Variants in PKHD1 observed in about 807,000 individuals in gnomAD.
PKHD1 encodes the protein PKHD1 ciliary IPT domain containing fibrocystin/polyductin.
A neutral mutation model predicts 412.0 loss-of-function variants in PKHD1; 291 were observed. The observed-to-expected ratio is 0.71, with a 90% confidence interval of 0.64 to 0.78. The LOEUF (loss-of-function observed/expected upper bound fraction) is 0.78, where lower values mean the gene tolerates loss of function less well. Among genes scored for constraint, PKHD1 ranks in the 30% least tolerant of loss-of-function variants. PKHD1 has a pLI of 0.00. For synonymous variants in PKHD1, 1,777 were observed against 1,821.5 expected, an observed-to-expected ratio of 0.98 and a Z score of 0.62; for missense variants, 4,825 against 4,950.7, an observed-to-expected ratio of 0.97 and a Z score of 0.76.
chr6:52,025,228 C>T lies in PKHD1; in HGVS notation c.4582G>A (p.Val1528Ile), dbSNP rs1801965781. Residue 1528 changes from valine to isoleucine, a missense_variant, in exon 32 of 67, where the codon GTA (valine) becomes ATA (isoleucine). Transcript: ENST00000371117. Reference sequence around the variant, plus strand: ...ACGTGGCTTGCATTAAAAAAAGTTACATTGCAAGGAAGTTGATCATCCACA... The same window carrying T: ...ACGTGGCTTGCATTAAAAAAAGTTATATTGCAAGGAAGTTGATCATCCACA... ...VFVDDQLPCN[V>I]TFFNASHVVC... 1 of 1,614,090 alleles carries T rather than the reference C, an allele frequency of 6.2e-7. No homozygotes were observed. The highest frequency in any genetic ancestry group is 1.7e-5 in the Admixed American group (1 of 59,996).
intron 65 of PKHD1, among the ~76,000 whole-genome samples, chr6:51,627,459 T>C (rs889307942): frequency 6.6e-6 from 1 of 152,034 alleles, no homozygotes; most frequent in South Asian, 2.1e-4. Context: ...ATTCATTACA[T>C]GCTGGAATAA....
chr6:51,824,082 T>C (rs574945517), intron 52 of PKHD1, among the ~76,000 whole-genome samples: 6 of 152,322 alleles, frequency 3.9e-5, no homozygotes, highest in Admixed American at 2.0e-4. Context: ...TCTTAACATA[T>C]GTCATAGCAT....
intron 48 of PKHD1, among the ~76,000 whole-genome samples, chr6:51,866,901 A>T (rs1026978163): frequency 6.6e-6 from 1 of 152,158 alleles, no homozygotes; most frequent in East Asian, 1.9e-4. Flanking sequence ...GGGCTCATTA[A>T]CGTCAGGTAG....
intron 60 of PKHD1, among the ~76,000 whole-genome samples, chr6:51,708,491 T>C (rs891491217): frequency 1.3e-5 from 2 of 152,226 alleles, no homozygotes; most frequent in Non-Finnish European, 2.9e-5. Flanking sequence ...CCTTTATGAA[T>C]GTGTTACTGC....
intron 35 of PKHD1, among the ~76,000 whole-genome samples, chr6:51,984,310 C>T (rs1365816136): frequency 2.6e-5 from 4 of 152,158 alleles, no homozygotes; most frequent in African/African-American, 9.7e-5. Context: ...TCATTATTAA[C>T]CAAGTAGTTT....
chr6:51,753,344 T>C lies in PKHD1; in HGVS notation c.8807A>G (p.His2936Arg), dbSNP rs1360667731. 2 of 1,613,680 alleles carry C rather than the reference T, an allele frequency of 1.2e-6. No homozygotes were observed. Among genetic ancestry groups the C allele is most frequent in the Admixed American group, 1.7e-5 (1 of 59,968 alleles). ...AATGTGTCGGCCATCCTCCGTGACA[T>C]GTACACTTCCTGGGGCAATAGGAGT... ...RLKHRHIGSV[H>R]VTEDGRHIRL... The change falls in exon 57 of 67, where the codon CAT becomes CGT. Residue 2936 changes from histidine (H) to arginine (R), a missense_variant. His to Arg is a conservative substitution (Grantham distance 29, BLOSUM62 0). Coordinates refer to ENST00000371117, the MANE Select transcript of PKHD1 (RefSeq NM_138694.4).
intron 60 of PKHD1, among the ~76,000 whole-genome samples, chr6:51,694,529 G>T (rs1778556640): frequency 8.1e-6 from 1 of 123,942 alleles, no homozygotes. Flanking sequence ...GATTACAGGT[G>T]CCCGCCACCA....
At chr6:51,946,935 TG>T (rs1262574571) in intron 36 of PKHD1, among the ~76,000 whole-genome samples, 3 of 152,222 alleles carry the variant, frequency 2.0e-5, no homozygotes, top group African/African-American at 4.8e-5. Context: ...AATAATTTGT[TG>T]TTTTTTTTAA....
chr6:52,043,073 G>A lies in PKHD1; in HGVS notation c.2883C>T (p.Phe961=), dbSNP rs775427697. ...TCGTTTTGTTCACTGTAACCTGCAA[G>A]AACTGGGAGTCACCAGAGAAACCAG... ...TGTGFSGDSQ[F]LQVTVNKTSC... is the part of the protein sequence containing the mutation. Residue 961 remains phenylalanine (F), a synonymous_variant, in exon 27 of 67, where the codon TTC becomes TTT. Transcript: ENST00000371117. 6.2e-7 allele frequency: 1 copy of A among 1,613,672 alleles called. No individual in the cohort carries two copies. Among genetic ancestry groups the A allele is most frequent in the Non-Finnish European group, 8.5e-7 (1 of 1,179,612 alleles).
intron 51 of PKHD1, among the ~76,000 whole-genome samples, chr6:51,833,427 T>A (rs1264410483): frequency 6.6e-6 from 1 of 152,194 alleles, no homozygotes; most frequent in Non-Finnish European, 1.5e-5. Flanking sequence ...TGTTTCAGTC[T>A]CCTGTCAGAG....
In PKHD1 at chr6:51,837,640, G is replaced by A. The variant is rs1769467559; in HGVS notation, c.8108-1171C>T. ...AGAATTGCTTGAACCCTGCAGTGTG[G>A]AGGTTGCAGTGAGCCAAGATCACGC... On this transcript the variant is annotated intron_variant, in intron 50 of 66. Transcript: ENST00000371117. Among the ~76,000 whole-genome samples the A allele has an allele frequency of 4.6e-5, 7 of 152,156 alleles. No individual in the cohort carries two copies. In the South Asian group the frequency reaches 1.5e-3, roughly 32 times the overall value.
At chr6:51,757,046 G>A (rs74617420) in intron 55 of PKHD1, among the ~76,000 whole-genome samples, 2,604 of 152,220 alleles carry the variant, frequency 0.017, 71 homozygotes, top group African/African-American at 0.059. Flanking sequence ...AATCAGACAG[G>A]AGGTGGAGCC....
At chr6:52,044,874 A>T in intron 25 of PKHD1, 92 bp downstream of exon 25, 1 of 1,428,558 alleles carries the variant, frequency 7.0e-7, no homozygotes, top group Non-Finnish European at 9.8e-7. Context: ...GACCCTTAAG[A>T]GCTAAATCAA....
At chr6:51,856,519 A>G (rs1413545720) in intron 48 of PKHD1, among the ~76,000 whole-genome samples, 1 of 152,186 alleles carries the variant, frequency 6.6e-6, no homozygotes, top group Non-Finnish European at 1.5e-5. Context: ...TTTGCCTTGG[A>G]CCAGATTTAT....
At chr6:51,621,625 C>G (rs1766627758) in intron 66 of PKHD1, among the ~76,000 whole-genome samples, 1 of 152,124 alleles carries the variant, frequency 6.6e-6, no homozygotes, top group African/African-American at 2.4e-5. Context: ...AAAAATCTCC[C>G]ATGAATTATT....
chr6:51,659,210 G>A lies in PKHD1; in HGVS notation c.10916C>T (p.Pro3639Leu), dbSNP rs147843070. 6.2e-7 allele frequency: 1 copy of A among 1,613,778 alleles called. No homozygotes were observed. Among genetic ancestry groups the A allele is most frequent in the Admixed American group, 1.7e-5 (1 of 59,918 alleles). ...SHYRRVGQRR[P>L]LMMEMNSHRA... Reference sequence around the variant, plus strand: ...ATGTGAGTTCATTTCCATCATGAGAGGCCTACGTTGACCAACTCTTCTATA... The same window carrying A: ...ATGTGAGTTCATTTCCATCATGAGAAGCCTACGTTGACCAACTCTTCTATA... The change falls in exon 61 of 67, where the codon CCT (proline) becomes CTT (leucine). Residue 3639 changes from proline to leucine, a missense_variant. Pro to Leu is a moderately conservative substitution (Grantham distance 98). Transcript: ENST00000371117.
At chr6:51,725,610 G>C (rs757940254) in intron 60 of PKHD1, among the ~76,000 whole-genome samples, 5 of 152,162 alleles carry the variant, frequency 3.3e-5, no homozygotes, top group Non-Finnish European at 5.9e-5. Flanking sequence ...TGGAATTAAT[G>C]GTGGTTTAAT....
At chr6:51,897,954 G>C (rs1282175576) in intron 43 of PKHD1, among the ~76,000 whole-genome samples, 2 of 152,132 alleles carry the variant, frequency 1.3e-5, no homozygotes, top group East Asian at 3.9e-4. Flanking sequence ...AATTCAACAA[G>C]AAGAGTTAAC....
At chr6:51,641,410 T>A (rs1012361190) in intron 63 of PKHD1, among the ~76,000 whole-genome samples, 2 of 152,160 alleles carry the variant, frequency 1.3e-5, no homozygotes, top group African/African-American at 4.8e-5. Context: ...AAACAACATA[T>A]GTGGAGAAAT....
Sources: gnomAD v4.1 joint callset for allele counts (sites outside exome capture counted in the v4.1 genomes callset) on GRCh38, gnomAD v4.1.1 for gene constraint, MANE v1.5 for transcripts, NCBI Gene and HGNC (gene_info 2026-07-23, HGNC 2026-07-21) for gene names.